MCPH1: variants seen among roughly 807,000 people sequenced by gnomAD.
MCPH1 encodes microcephalin 1, also known as microcephalin.
In MCPH1, 104 loss-of-function variants were observed where a neutral mutation model predicts 84.5. The ratio of observed to expected loss-of-function variants is 1.23; its 90% confidence interval spans 1.05 to 1.45. The LOEUF (loss-of-function observed/expected upper bound fraction) is 1.45, where lower values mean the gene tolerates loss of function less well. MCPH1 is among the 40% of genes most tolerant of loss of function. The pLI is 0.00. For synonymous variants in MCPH1, 514 were observed against 366.8 expected (o/e 1.40, Z -4.58); for missense variants, 1,498 against 1,005.7 (o/e 1.49, Z -6.62).
At chr8:6,475,126 T>C (rs1435268615) in intron 9 of MCPH1, among the ~76,000 whole-genome samples, 1 of 152,220 alleles carries the variant, frequency 6.6e-6, no homozygotes, top group Non-Finnish European at 1.5e-5. Flanking sequence ...TATCACATTC[T>C]CACTTGGTAA....
At chr8:6,446,223 A>G in intron 8 of MCPH1, 1 of 930,742 alleles carries the variant, frequency 1.1e-6, no homozygotes, top group South Asian at 5.0e-5. Flanking sequence ...TCAAAACAAT[A>G]AAAAATTTTG....
chr8:6,573,955 A>C (rs1385085097), intron 12 of MCPH1, among the ~76,000 whole-genome samples: 1 of 152,232 alleles, frequency 6.6e-6, no homozygotes, highest in African/African-American at 2.4e-5. Flanking sequence ...TGGAAGAAGC[A>C]AATGAAAATC....
intron 12 of MCPH1, among the ~76,000 whole-genome samples, chr8:6,586,329 C>G (rs755955461): frequency 4.6e-5 from 7 of 152,164 alleles, no homozygotes; most frequent in Non-Finnish European, 1.0e-4. Flanking sequence ...TCAGACCACT[C>G]AGGGAAGCTA....
rs369285244 is a variant in MCPH1 at position 6,637,758 on chromosome 8, G to C, written c.2453-5236G>C. On this transcript the variant is annotated intron_variant, in intron 13 of 13. Transcript: ENST00000344683. ...TCCTCCTAACTCGGCCTCTCAAAGTGCTGACACATGTTTTTTTAATGGAAG... is the reference window on the plus strand; with the variant it reads ...TCCTCCTAACTCGGCCTCTCAAAGTCCTGACACATGTTTTTTTAATGGAAG... 1.7e-3 allele frequency among the ~76,000 whole-genome samples: 255 copies of C among 152,250 alleles called. 1 individual carries two copies. Among genetic ancestry groups the C allele is most frequent in the African/African-American group, 6.0e-3 (248 of 41,548 alleles).
chr8:6,607,296 C>T (rs10100291), intron 12 of MCPH1, among the ~76,000 whole-genome samples: 96,077 of 152,004 alleles, frequency 0.63, 32,965 homozygotes, highest in Non-Finnish European at 0.79. Flanking sequence ...AGTTTATCAC[C>T]ATTAGCTCAC....
chr8:6,434,955 G>T (rs1040778845), intron 4 of MCPH1, among the ~76,000 whole-genome samples: 13 of 152,180 alleles, frequency 8.5e-5, no homozygotes, highest in Non-Finnish European at 7.3e-5. Flanking sequence ...GAAGTCAATG[G>T]GCAGTTCCAA....
chr8:6,586,570 T>C (rs977002326), intron 12 of MCPH1, among the ~76,000 whole-genome samples: 2 of 152,160 alleles, frequency 1.3e-5, no homozygotes, highest in Non-Finnish European at 2.9e-5. Context: ...GTGCCGGTCA[T>C]AGGGCTTAGA....
At chr8:6,614,391 C>T (rs1294290759) in intron 12 of MCPH1, among the ~76,000 whole-genome samples, 1 of 152,206 alleles carries the variant, frequency 6.6e-6, no homozygotes, top group African/African-American at 2.4e-5. Flanking sequence ...CCTCCCCTCA[C>T]CCCCATCTCC....
In MCPH1 at chr8:6,518,050, A is replaced by C. The variant is rs147400954; in HGVS notation, c.2214+18121A>C. ...TAATCCCAGAGTACTATATATTTTCATCTTTCTGCAGAATATTTCAGTTAT... is the reference window on the plus strand; with the variant it reads ...TAATCCCAGAGTACTATATATTTTCCTCTTTCTGCAGAATATTTCAGTTAT... On this transcript the variant is annotated intron_variant, in intron 12 of 13. Transcript: ENST00000344683. Among the ~76,000 whole-genome samples, 1,021 of 152,198 alleles carry C rather than the reference A, an allele frequency of 6.7e-3. 10 individuals are homozygous for C. The highest frequency in any genetic ancestry group is 0.024 in the African/African-American group (995 of 41,518).
At chr8:6,421,187 G>A (rs1416489680) in intron 3 of MCPH1, among the ~76,000 whole-genome samples, 2 of 152,186 alleles carry the variant, frequency 1.3e-5, no homozygotes, top group Non-Finnish European at 2.9e-5. Context: ...GCATGCCCGG[G>A]AAATGGCCTC....
At chr8:6,475,537 C>G (rs117908524) in intron 9 of MCPH1, among the ~76,000 whole-genome samples, 2,532 of 152,312 alleles carry the variant, frequency 0.017, 31 homozygotes, top group Non-Finnish European at 0.026. Flanking sequence ...ATGGAATGTG[C>G]AAATTCAGCA....
intron 12 of MCPH1, among the ~76,000 whole-genome samples, chr8:6,620,566 A>C (rs1404245742): frequency 2.0e-5 from 3 of 152,108 alleles, no homozygotes; most frequent in Admixed American, 6.5e-5. Flanking sequence ...CCCTTCCCCG[A>C]AATACATCCC....
In MCPH1 at chr8:6,559,230, A is replaced by AACACACACACACACAC. The variant is rs59299448; in HGVS notation, c.2214+59317_2214+59332dup. Among the ~76,000 whole-genome samples the AACACACACACACACAC allele has an allele frequency of 4.6e-3, 673 of 146,816 alleles. 8 individuals are homozygous for AACACACACACACACAC. The highest frequency in any genetic ancestry group is 0.022 in the East Asian group (107 of 4,966). ...TGAGTGTTTTGTAGCCACACACGAC[A>AACACACACACACACAC]ACACACACACACACACACACACACA... On this transcript the variant is annotated intron_variant, in intron 12 of 13. Coordinates refer to ENST00000344683, the MANE Select transcript of MCPH1 (RefSeq NM_024596.5).
chr8:6,526,115 G>C (rs147896760), intron 12 of MCPH1, among the ~76,000 whole-genome samples: 134 of 152,092 alleles, frequency 8.8e-4, no homozygotes, highest in African/African-American at 3.2e-3. Flanking sequence ...ACATTACTAA[G>C]TAAGACTATT....
At chr8:6,526,028 T>C (rs1018900817) in intron 12 of MCPH1, among the ~76,000 whole-genome samples, 1 of 152,112 alleles carries the variant, frequency 6.6e-6, no homozygotes, top group East Asian at 1.9e-4. Flanking sequence ...GTCACGGACA[T>C]CATTGTATAA....
intron 11 of MCPH1, among the ~76,000 whole-genome samples, chr8:6,498,911 G>A (rs548069155): frequency 6.6e-6 from 1 of 152,034 alleles, no homozygotes; most frequent in Non-Finnish European, 1.5e-5. Context: ...AATTAGCCAG[G>A]TGTGGTGGTG....
chr8:6,591,286 A>G (rs947955900), intron 12 of MCPH1, among the ~76,000 whole-genome samples: 1 of 152,198 alleles, frequency 6.6e-6, no homozygotes, highest in African/African-American at 2.4e-5. Context: ...CCTACTTTTT[A>G]TAGTCACTCT....
At chr8:6,558,867 A>G (rs1341528295) in intron 12 of MCPH1, among the ~76,000 whole-genome samples, 1 of 152,202 alleles carries the variant, frequency 6.6e-6, no homozygotes, top group East Asian at 1.9e-4. Context: ...TATTTTATAT[A>G]CTGTATAGGC....
Position 6,583,704 on chromosome 8 carries a change from C to T in MCPH1, c.2215-37750C>T, listed in dbSNP as rs192698411. Among the ~76,000 whole-genome samples the T allele has an allele frequency of 5.3e-5, 8 of 152,094 alleles. No individual in the cohort carries two copies. The East Asian group carries it at 1.4e-3, about 26-fold the overall frequency. ...ATTGGAAATGAGCTCATCCCCACGT[C>T]TTATAAATAGTTCTCCAAGTTATCC... On this transcript the variant is annotated intron_variant, in intron 12 of 13. Coordinates refer to ENST00000344683, the MANE Select transcript of MCPH1 (RefSeq NM_024596.5).
Sources: allele counts gnomAD v4.1 joint callset (sites outside exome capture counted in the v4.1 genomes callset), GRCh38; gene constraint gnomAD v4.1.1; transcripts MANE v1.5; gene names NCBI Gene and HGNC (gene_info 2026-07-23, HGNC 2026-07-21).